The following CTNNA2 variants were observed in gnomAD, a reference collection of about 807,000 sequenced individuals.
CTNNA2 encodes catenin alpha-2.
A neutral mutation model predicts 101.0 loss-of-function variants in CTNNA2; 42 were observed. The ratio of observed to expected loss-of-function variants is 0.42; its 90% confidence interval spans 0.32 to 0.54. The LOEUF (loss-of-function observed/expected upper bound fraction) is 0.54, where lower values mean the gene tolerates loss of function less well. CTNNA2 is among the 20% of genes least tolerant of loss of function. The probability of loss-of-function intolerance (pLI) is 0.14; values close to 1 mark genes in which losing one functional copy is unlikely to be tolerated. For synonymous variants in CTNNA2, 450 were observed against 456.4 expected (o/e 0.99, Z 0.18); for missense variants, 871 against 1,223.1 (o/e 0.71, Z 4.29).
intron 7 of CTNNA2, among the ~76,000 whole-genome samples, chr2:80,219,736 T>G (rs966040992): frequency 5.3e-5 from 8 of 152,144 alleles, no homozygotes; most frequent in African/African-American, 1.9e-4. Context: ...AAATTAAATA[T>G]ATAACAAAAC....
chr2:79,671,395 A>C (rs1178204162), intron 2 of CTNNA2, among the ~76,000 whole-genome samples: 1 of 152,194 alleles, frequency 6.6e-6, no homozygotes, highest in Non-Finnish European at 1.5e-5. Context: ...CTGCCTCTCA[A>C]GCCTGCCTAT....
chr2:79,746,814 T>A (rs796099578), intron 3 of CTNNA2, among the ~76,000 whole-genome samples: 1 of 152,328 alleles, frequency 6.6e-6, no homozygotes, highest in African/African-American at 2.4e-5. Flanking sequence ...TTGTTACTTT[T>A]CACAGGATAA....
chr2:79,572,203 C>T (rs1381790220), intron 1 of CTNNA2, among the ~76,000 whole-genome samples: 2 of 152,130 alleles, frequency 1.3e-5, no homozygotes, highest in Non-Finnish European at 2.9e-5. Flanking sequence ...GATTTCTGTA[C>T]GTCTTGCTGG....
intron 2 of CTNNA2, among the ~76,000 whole-genome samples, chr2:79,704,855 A>G (rs1202068639): frequency 6.6e-6 from 1 of 152,062 alleles, no homozygotes; most frequent in Non-Finnish European, 1.5e-5. Flanking sequence ...ACCCCTTTCA[A>G]GCAGAGCCCT....
At chr2:79,591,154 C>G (rs1408978607) in intron 1 of CTNNA2, among the ~76,000 whole-genome samples, 1 of 152,186 alleles carries the variant, frequency 6.6e-6, no homozygotes, top group African/African-American at 2.4e-5. Context: ...TACTATAAAT[C>G]TCTACTATCA....
chr2:80,368,867 G>GTATATATC (rs1553505683), intron 7 of CTNNA2, among the ~76,000 whole-genome samples: 1 of 144,734 alleles, frequency 6.9e-6, no homozygotes, highest in Non-Finnish European at 1.5e-5. Flanking sequence ...GTGTGTGTGT[G>GTATATATC]TATATATATA....
rs192093582 is a variant in CTNNA2, at chr2:79,337,106, G to A, written c.-318+24310G>A. ...CAAGAACATGGACAGACCTGACAAA[G>A]GGTCATAGATTTTTTTCCAAAGCTT... On this transcript the variant is annotated intron_variant, in intron 3 of 21. Coordinates refer to the CTNNA2 transcript ENST00000466387. Among the ~76,000 whole-genome samples the A allele has an allele frequency of 2.0e-5, 3 of 152,184 alleles. No homozygotes were observed. The East Asian group carries it at 5.8e-4, about 29-fold the overall frequency.
intron 2 of CTNNA2, among the ~76,000 whole-genome samples, chr2:79,668,246 CAAAAAAA>C (rs34348942): frequency 0.053 from 3,684 of 69,198 alleles, 119 homozygotes; most frequent in African/African-American, 0.17. Flanking sequence ...GACTCCGTCT[CAAAAAAA>C]AAAAAAAAAA....
At chr2:80,436,825 C>T (rs967887735) in intron 9 of CTNNA2, among the ~76,000 whole-genome samples, 2 of 152,244 alleles carry the variant, frequency 1.3e-5, no homozygotes, top group East Asian at 1.9e-4. Context: ...CCTTCAGGAC[C>T]TCCTCGCCTC....
intron 3 of CTNNA2, among the ~76,000 whole-genome samples, chr2:79,843,053 G>T (rs1391521992): frequency 6.6e-6 from 1 of 151,492 alleles, no homozygotes; most frequent in African/African-American, 2.5e-5. Context: ...AAATTATTAG[G>T]TTTGAGGAAT....
At chr2:79,560,323 G>T (rs1215375957) in intron 1 of CTNNA2, among the ~76,000 whole-genome samples, 9 of 151,932 alleles carry the variant, frequency 5.9e-5, no homozygotes, top group African/African-American at 2.2e-4. Flanking sequence ...GAGACCAGGA[G>T]AGATTGGGTG....
At position 80,524,036 on chromosome 2, in the gene CTNNA2, G is replaced by A. The variant is rs1484796875; in HGVS notation, c.1291-20946G>A. Among the ~76,000 whole-genome samples, 5 of 152,152 alleles carry A rather than the reference G, an allele frequency of 3.3e-5. No homozygotes were observed. The South Asian group carries it at 8.3e-4, about 25-fold the overall frequency. On this transcript the variant is annotated intron_variant, in intron 9 of 18. Transcript: ENST00000402739. ...TTGGCGCTGAGGAGTTGTCATACCTGCCTGTGTAGTCCTGACAAAAGCATA... is the reference window on the plus strand; with the variant it reads ...TTGGCGCTGAGGAGTTGTCATACCTACCTGTGTAGTCCTGACAAAAGCATA...
At chr2:79,476,832 CATCTGT>C (rs1436583350) in intron 4 of CTNNA2, among the ~76,000 whole-genome samples, 1 of 152,206 alleles carries the variant, frequency 6.6e-6, no homozygotes, top group Non-Finnish European at 1.5e-5. Flanking sequence ...TGGGTACACT[CATCTGT>C]ACTCAACAAA....
intron 7 of CTNNA2, among the ~76,000 whole-genome samples, chr2:79,939,921 C>T (rs1289309003): frequency 1.3e-5 from 2 of 152,034 alleles, no homozygotes; most frequent in Non-Finnish European, 2.9e-5. Flanking sequence ...GGAGAAATCC[C>T]GTCTCTACTA....
intron 18 of CTNNA2, among the ~76,000 whole-genome samples, chr2:80,626,880 A>G (rs925600438): frequency 9.9e-5 from 15 of 151,488 alleles, no homozygotes; most frequent in African/African-American, 2.9e-4. Flanking sequence ...CTACCCCCTG[A>G]CAGGCCCCAG....
intron 4 of CTNNA2, among the ~76,000 whole-genome samples, chr2:79,459,199 G>T (rs1283027683): frequency 6.6e-6 from 1 of 152,052 alleles, no homozygotes; most frequent in African/African-American, 2.4e-5. Context: ...TCTTCAAGGT[G>T]TTACATTCAA....
intron 4 of CTNNA2, among the ~76,000 whole-genome samples, chr2:79,396,188 C>A (rs568453244): frequency 6.6e-6 from 1 of 151,354 alleles, no homozygotes; most frequent in Admixed American, 6.6e-5. Flanking sequence ...TTTTTTGAGA[C>A]AGAGTTTCTT....
chr2:80,243,276 A>C lies in CTNNA2; in HGVS notation c.1057-149935A>C, dbSNP rs553451736. On this transcript the variant is annotated intron_variant, in intron 7 of 18. Transcript: ENST00000402739. The stretch of plus-strand genomic sequence containing the variant: ...TTTGTAAAATCAGCTTTATTGGGAT[A>C]TAATTGTTATCTAATAAACTGCACA... Among the ~76,000 whole-genome samples, 4 of 152,314 alleles carry C rather than the reference A, an allele frequency of 2.6e-5. No homozygotes were observed. In the South Asian group the frequency reaches 8.3e-4, roughly 32 times the overall value.
At chr2:79,443,203 T>C (rs1003490604) in intron 4 of CTNNA2, among the ~76,000 whole-genome samples, 3 of 152,150 alleles carry the variant, frequency 2.0e-5, no homozygotes, top group Middle Eastern at 3.4e-3. Context: ...AGTTCCATGA[T>C]CTGCCATCTG....
Sources: gnomAD v4.1 joint callset for allele counts (sites outside exome capture counted in the v4.1 genomes callset) on GRCh38, gnomAD v4.1.1 for gene constraint, MANE v1.5 for transcripts, NCBI Gene and HGNC (gene_info 2026-07-23, HGNC 2026-07-21) for gene names.